RIC3: variants seen among roughly 807,000 people sequenced by gnomAD.
RIC3 encodes protein RIC-3.
A neutral mutation model predicts 27.3 loss-of-function variants in RIC3; 28 were observed. The observed-to-expected ratio is 1.02, with a 90% CI of 0.76 to 1.41. The LOEUF (loss-of-function observed/expected upper bound fraction) is 1.41, where lower values mean the gene tolerates loss of function less well. RIC3 is among the 40% of genes most tolerant of loss of function. RIC3 has a pLI of 0.00. For missense variants in RIC3, 501 were observed against 444.7 expected, an observed-to-expected ratio of 1.13 and a Z score of -1.14; for synonymous variants, 184 against 160.4, an observed-to-expected ratio of 1.15 and a Z score of -1.11.
Position 8,109,322 on chromosome 11 carries a change from T to C in RIC3, c.*1376A>G, listed in dbSNP as rs898985929. ...CTTCTACATTTCATGACTGGGAATGTCTTTGGGAATGTGCCCTCTTCGAAC... is the reference window on the plus strand; with the variant it reads ...CTTCTACATTTCATGACTGGGAATGCCTTTGGGAATGTGCCCTCTTCGAAC... On this transcript the variant is annotated 3_prime_UTR_variant, in exon 6 of 6. Coordinates refer to ENST00000309737, the MANE Select transcript of RIC3 (RefSeq NM_001206671.4). The C allele has an allele frequency of 6.6e-6, 1 of 152,230 alleles. No individual in the cohort carries two copies. Among genetic ancestry groups the C allele is most frequent in the Non-Finnish European group, 1.5e-5 (1 of 68,050 alleles). The allele number at this position is 152,230 out of a possible 1,614,324, so 9.4% of individuals were successfully genotyped here. A position where few individuals can be genotyped will look rare whatever the true frequency, so the allele number is the denominator to read the frequency against.
At chr11:8,156,309 G>C (rs1950647620) in intron 1 of RIC3, among the ~76,000 whole-genome samples, 1 of 152,172 alleles carries the variant, frequency 6.6e-6, no homozygotes, top group Non-Finnish European at 1.5e-5. Context: ...CACCTTTTCA[G>C]TCAGTTACTG....
chr11:8,097,822 C>G, the RIC3 span: 2 of 1,613,116 alleles, frequency 1.2e-6, no homozygotes, highest in South Asian at 1.1e-5. Context: ...TATCGGGAAA[C>G]TGCGGTACTA....
At chr11:8,160,306 A>C (rs759329478) in intron 1 of RIC3, among the ~76,000 whole-genome samples, 2 of 152,254 alleles carry the variant, frequency 1.3e-5, no homozygotes, top group Non-Finnish European at 2.9e-5. Context: ...TGGCTGCTGA[A>C]GCAGGATGAT....
chr11:8,153,061 TA>T (rs564351502), intron 1 of RIC3, among the ~76,000 whole-genome samples: 140 of 152,322 alleles, frequency 9.2e-4, no homozygotes, highest in Middle Eastern at 6.8e-3. Context: ...AGGAAACCTG[TA>T]TTAGAATTAA....
rs1032964488 is a variant in RIC3 at position 8,107,812 on chromosome 11, A to AT, written c.*2885dup. 7.2e-5 allele frequency: 11 copies of AT among 152,220 alleles called. No individual in the cohort carries two copies. The highest frequency in any genetic ancestry group is 2.7e-4 in the African/African-American group (11 of 41,458). 9.4% of individuals were successfully genotyped at this position (152,220 alleles called of 1,614,324 possible). A position where few individuals can be genotyped will look rare whatever the true frequency, so the allele number is the denominator to read the frequency against. ...CAGTTGTTTTGTGAGCTAACTGTCC[A>AT]TAAAGGTATGACTTGTGTACTCTGC... On this transcript the variant is annotated 3_prime_UTR_variant, in exon 6 of 6. Transcript: ENST00000309737.
Position 8,140,128 on chromosome 11 carries a change from C to T in RIC3, c.190G>A (p.Gly64Arg), listed in dbSNP as rs1208557008. Reference sequence around the variant, plus strand: ...AGGTGAGACCTCTGGAAACGAGCCCCAGGAGTCTGGCCATCTGAGGGTGCC... The same window carrying T: ...AGGTGAGACCTCTGGAAACGAGCCCTAGGAGTCTGGCCATCTGAGGGTGCC... ...HQAPSDGQTP[G>R]ARFQRSHLAE... Residue 64 changes from glycine (G) to arginine (R), a missense_variant, in exon 2 of 6, where the codon GGG (glycine) becomes AGG (arginine). By Grantham distance (125) the Gly-to-Arg change is moderately radical. Coordinates refer to ENST00000309737, the MANE Select transcript of RIC3 (RefSeq NM_001206671.4). 3.7e-6 allele frequency: 6 copies of T among 1,613,982 alleles called. No individual in the cohort carries two copies. Among genetic ancestry groups the T allele is most frequent in the Non-Finnish European group, 5.1e-6 (6 of 1,180,026 alleles).
At chr11:8,154,062 A>G (rs904681399) in intron 1 of RIC3, among the ~76,000 whole-genome samples, 1 of 152,222 alleles carries the variant, frequency 6.6e-6, no homozygotes, top group African/African-American at 2.4e-5. Flanking sequence ...TAAAAAGTCA[A>G]TGATTATAAA....
At chr11:8,152,707 T>C (rs1204750572) in intron 1 of RIC3, among the ~76,000 whole-genome samples, 1 of 152,190 alleles carries the variant, frequency 6.6e-6, no homozygotes, top group Non-Finnish European at 1.5e-5. Context: ...ACAGTGACTG[T>C]ACATCTTAAA....
chr11:8,162,629 C>CTTTTTTTTT (rs757717970), intron 1 of RIC3, among the ~76,000 whole-genome samples: 78 of 83,740 alleles, frequency 9.3e-4, no homozygotes, highest in South Asian at 1.3e-3. Context: ...CATGCTTCTT[C>CTTTTTTTTT]TTTTTTTTTT....
chr11:8,141,041 T>C (rs1590246093), intron 1 of RIC3, among the ~76,000 whole-genome samples: 1 of 147,458 alleles, frequency 6.8e-6, no homozygotes. Flanking sequence ...GCGCTAAACA[T>C]GGAAAGGAAC....
At chr11:8,100,086 C>G in the RIC3 span, among the ~76,000 whole-genome samples, 2 of 152,086 alleles carry the variant, frequency 1.3e-5, no homozygotes, top group African/African-American at 4.8e-5. Flanking sequence ...GGAGGGCCAA[C>G]AACAGAAACC....
chr11:8,153,311 A>G, intron 1 of RIC3: 1 of 380,242 alleles, frequency 2.6e-6, no homozygotes, highest in Non-Finnish European at 5.1e-6. Context: ...AATAGAACAG[A>G]ATCTCTGTCT....
downstream of RIC3, chr11:8,101,930 T>C (rs1409854476): frequency 8.4e-6 from 3 of 358,336 alleles, no homozygotes; most frequent in Non-Finnish European, 1.5e-5. Flanking sequence ...CTGAGCAACC[T>C]CTTCAGCTGG....
chr11:8,106,235 G>A lies in RIC3; in HGVS notation c.*4463C>T, dbSNP rs886363946. On this transcript the variant is annotated 3_prime_UTR_variant, in exon 6 of 6. Transcript: ENST00000309737. The stretch of plus-strand genomic sequence containing the variant: ...TATATCAACAAATTAAACTTGAATC[G>A]TTTCAACACTTCTGTGTACTTTTTT... 3.9e-5 allele frequency: 6 copies of A among 152,092 alleles called. No individual in the cohort carries two copies. The highest frequency in any genetic ancestry group is 1.2e-4 in the African/African-American group (5 of 41,392). The allele number at this position is 152,092 out of a possible 1,614,324, so 9.4% of individuals were successfully genotyped here. A position where few individuals can be genotyped will look rare whatever the true frequency, so the allele number is the denominator to read the frequency against.
At chr11:8,094,130 C>G in the RIC3 span, 1 of 1,614,122 alleles carries the variant, frequency 6.2e-7, no homozygotes, top group Middle Eastern at 1.6e-4. Flanking sequence ...ACCAAGGCGG[C>G]AGCTACAGCA....
At chr11:8,147,759 T>C (rs546775512) in intron 1 of RIC3, among the ~76,000 whole-genome samples, 136 of 148,792 alleles carry the variant, frequency 9.1e-4, no homozygotes, top group African/African-American at 3.2e-3. Flanking sequence ...GAGGGAGTCT[T>C]GCTCTGTCAC....
intron 1 of RIC3, among the ~76,000 whole-genome samples, chr11:8,148,733 A>G (rs764471751): frequency 6.6e-6 from 1 of 152,180 alleles, no homozygotes; most frequent in Non-Finnish European, 1.5e-5. Context: ...AATAGAAACA[A>G]TAGTTCCCAC....
downstream of RIC3, chr11:8,105,570 A>AT (rs1944531647): frequency 6.6e-6 from 1 of 152,184 alleles, no homozygotes; most frequent in Non-Finnish European, 1.5e-5. Context: ...TAGCTATGTG[A>AT]TTTTGAGCAA....
rs550082512 is a variant in RIC3 at position 8,124,017 on chromosome 11, T to C, written c.670+2642A>G. 6.0e-5 allele frequency among the ~76,000 whole-genome samples: 9 copies of C among 149,276 alleles called. No individual in the cohort carries two copies. In the East Asian group the frequency reaches 1.8e-3, roughly 30 times the overall value. Reference sequence around the variant, plus strand: ...GCCCAGGAGATCAAACAGTGAGCCATGATCACGTGCCACTGTACTCCAGCC... The same window carrying C: ...GCCCAGGAGATCAAACAGTGAGCCACGATCACGTGCCACTGTACTCCAGCC... On this transcript the variant is annotated intron_variant, in intron 5 of 5. Coordinates refer to ENST00000309737, the MANE Select transcript of RIC3 (RefSeq NM_001206671.4).
Sources: gnomAD v4.1 joint callset for allele counts (sites outside exome capture counted in the v4.1 genomes callset) on GRCh38, gnomAD v4.1.1 for gene constraint, MANE v1.5 for transcripts, NCBI Gene and HGNC (gene_info 2026-07-23, HGNC 2026-07-21) for gene names.